Variants in ATP8A2 observed in about 807,000 individuals in gnomAD.
The protein encoded by ATP8A2 is ATPase phospholipid transporting 8A2.
A neutral mutation model predicts 165.6 loss-of-function variants in ATP8A2; 100 were observed. The observed-to-expected ratio is 0.60, with a 90% CI of 0.51 to 0.71. The LOEUF is 0.71. ATP8A2 is among the 30% of genes least tolerant of loss of function. ATP8A2 has a pLI of 0.00. For missense variants in ATP8A2, 1,227 were observed against 1,479.5 expected, an observed-to-expected ratio of 0.83 and a Z score of 2.80; for synonymous variants, 543 against 548.8, an observed-to-expected ratio of 0.99 and a Z score of 0.15.
chr13:25,530,656 A>G lies in ATP8A2; in HGVS notation c.416A>G (p.Asp139Gly). The G allele has an allele frequency of 6.4e-7, 1 of 1,572,838 alleles. No homozygotes were observed. Among genetic ancestry groups the G allele is most frequent in the Non-Finnish European group, 8.7e-7 (1 of 1,151,246 alleles). The change falls in exon 4 of 37, where the codon GAT (aspartate) becomes GGT (glycine). Residue 139 changes from aspartate to glycine, a missense_variant. Physicochemically the swap from Asp to Gly is moderately conservative, Grantham distance 94 (BLOSUM62 -1). This residue lies in a region of ATP8A2 where 356 missense variants were observed against 394.9 expected (regional missense o/e 0.90). Coordinates refer to ENST00000381655, the MANE Select transcript of ATP8A2 (RefSeq NM_016529.6). ...TIAGIKEIVE[D>G]FKRHKADNAV... ...GCAGGCATCAAAGAGATTGTAGAAG[A>G]TTTTGTAAGTTTTTGCTTTTGGATA... is the stretch of plus-strand genomic sequence containing the variant.
chr13:25,603,336 AAAAAAT>A (rs2040435573), intron 24 of ATP8A2, among the ~76,000 whole-genome samples: 1 of 151,870 alleles, frequency 6.6e-6, no homozygotes, highest in South Asian at 2.1e-4. Flanking sequence ...AAAAATACAA[AAAAAAT>A]TTAGCCAGTG....
chr13:25,613,078 G>A (rs1176771098), intron 24 of ATP8A2, among the ~76,000 whole-genome samples: 1 of 151,970 alleles, frequency 6.6e-6, no homozygotes, highest in Non-Finnish European at 1.5e-5. Context: ...TATCCATTCT[G>A]CCATTCTGTA....
At chr13:25,947,515 G>A (rs1224596482) in intron 33 of ATP8A2, among the ~76,000 whole-genome samples, 1 of 152,108 alleles carries the variant, frequency 6.6e-6, no homozygotes, top group Non-Finnish European at 1.5e-5. Flanking sequence ...TGCCATCTGG[G>A]AGTCTCCATA....
intron 19 of ATP8A2, 32 bp downstream of exon 19, chr13:25,574,889 A>G (rs2039573115): frequency 8.1e-7 from 1 of 1,241,260 alleles, no homozygotes; most frequent in Admixed American, 1.8e-5. Context: ...TTGAAATAAA[A>G]TAATTATATT....
At chr13:25,476,349 G>T (rs1388039101) in intron 2 of ATP8A2, among the ~76,000 whole-genome samples, 3 of 151,522 alleles carry the variant, frequency 2.0e-5, no homozygotes, top group Non-Finnish European at 2.9e-5. Flanking sequence ...GCAGTGGCGC[G>T]AACTCCACTC....
At chr13:25,800,149 G>A (rs921438722) in intron 27 of ATP8A2, among the ~76,000 whole-genome samples, 4 of 152,224 alleles carry the variant, frequency 2.6e-5, no homozygotes, top group Admixed American at 2.6e-4. Context: ...GGCACCCAGA[G>A]GTGCGATGTA....
At chr13:25,755,283 C>T (rs773865870) in intron 25 of ATP8A2, among the ~76,000 whole-genome samples, 43 of 152,140 alleles carry the variant, frequency 2.8e-4, no homozygotes, top group Non-Finnish European at 5.4e-4. Context: ...CCCAGCTTCA[C>T]CCAGGGACAA....
At chr13:25,490,229 G>C (rs1336342289) in intron 2 of ATP8A2, among the ~76,000 whole-genome samples, 1 of 152,214 alleles carries the variant, frequency 6.6e-6, no homozygotes, top group Admixed American at 6.5e-5. Context: ...AAGAGTTACG[G>C]GAGAGAAACT....
intron 6 of ATP8A2, among the ~76,000 whole-genome samples, chr13:25,536,741 A>G (rs2038298131): frequency 6.6e-6 from 1 of 152,240 alleles, no homozygotes; most frequent in South Asian, 2.1e-4. Flanking sequence ...TTACTGTACT[A>G]GTAATGGTCT....
chr13:25,902,103 GT>G (rs2138953651), intron 33 of ATP8A2, among the ~76,000 whole-genome samples: 1 of 152,278 alleles, frequency 6.6e-6, no homozygotes, highest in East Asian at 1.9e-4. Context: ...GGGGTATGGG[GT>G]TTAAAAAGGA....
chr13:25,421,965 A>G (rs2034313222), intron 1 of ATP8A2, among the ~76,000 whole-genome samples: 1 of 152,122 alleles, frequency 6.6e-6, no homozygotes, highest in South Asian at 2.1e-4. Flanking sequence ...ATCATGCAGT[A>G]CCTAGAACAG....
chr13:25,657,574 T>C (rs2137669610), intron 24 of ATP8A2, among the ~76,000 whole-genome samples: 1 of 152,320 alleles, frequency 6.6e-6, no homozygotes, highest in African/African-American at 2.4e-5. Context: ...CAGAAATCTG[T>C]ACTGCATAGC....
chr13:25,655,679 A>G (rs77198595), intron 24 of ATP8A2, among the ~76,000 whole-genome samples: 5,204 of 151,910 alleles, frequency 0.034, 155 homozygotes, highest in East Asian at 0.13. Context: ...ACTGACCTTA[A>G]GCATCAGTAG....
At chr13:25,714,145 A>G (rs1048998020) in intron 25 of ATP8A2, among the ~76,000 whole-genome samples, 6 of 144,972 alleles carry the variant, frequency 4.1e-5, no homozygotes, top group African/African-American at 1.3e-4. Flanking sequence ...GAAGGAAGGA[A>G]GGAGGGAGGG....
chr13:25,801,546 G>A (rs1354394621), intron 27 of ATP8A2, among the ~76,000 whole-genome samples: 1 of 152,134 alleles, frequency 6.6e-6, no homozygotes, highest in East Asian at 1.9e-4. Flanking sequence ...CAAATGATCA[G>A]AGAGGAACTG....
intron 9 of ATP8A2, 137 bp downstream of exon 9, chr13:25,542,183 C>G (rs990389654): frequency 2.1e-6 from 2 of 954,972 alleles, no homozygotes; most frequent in Middle Eastern, 3.5e-4. Context: ...TAATTTAAAG[C>G]CTTCCTTAGA....
At chr13:25,941,099 C>T (rs1292275900) in intron 33 of ATP8A2, among the ~76,000 whole-genome samples, 1 of 152,190 alleles carries the variant, frequency 6.6e-6, no homozygotes, top group Non-Finnish European at 1.5e-5. Flanking sequence ...TCTGACTCCT[C>T]CAGGAAGGGA....
At chr13:25,414,018 T>C (rs1309879485) in intron 1 of ATP8A2, among the ~76,000 whole-genome samples, 3 of 152,078 alleles carry the variant, frequency 2.0e-5, no homozygotes, top group Admixed American at 6.6e-5. Flanking sequence ...GGGGTGATGA[T>C]GATCAGAGAG....
intron 20 of ATP8A2, among the ~76,000 whole-genome samples, chr13:25,578,104 T>A (rs941121501): frequency 7.9e-5 from 12 of 152,192 alleles, no homozygotes; most frequent in African/African-American, 2.9e-4. Flanking sequence ...ACAACAGGTG[T>A]CAGTGTGAGG....
Sources: gnomAD v4.1 joint callset for allele counts (sites outside exome capture counted in the v4.1 genomes callset) on GRCh38, gnomAD v4.1.1 for gene constraint, gnomAD v4.1.1 regional missense constraint, MANE v1.5 for transcripts, NCBI Gene and HGNC (gene_info 2026-07-23, HGNC 2026-07-21) for gene names.